The following FMN1 variants were observed in gnomAD, a reference collection of about 807,000 sequenced individuals.
FMN1 encodes formin-1.
FMN1 carries 110 observed loss-of-function variants against 132.4 expected under a neutral mutation model. The ratio of observed to expected loss-of-function variants is 0.83; its 90% CI spans 0.71 to 0.97. The LOEUF is 0.97. Ranked by LOEUF, FMN1 falls within the 50% of genes least tolerant of loss-of-function variation. The pLI is 0.00. For synonymous variants in FMN1, 722 were observed against 651.7 expected, an observed-to-expected ratio of 1.11 and a Z score of -1.64; for missense variants, 1,792 against 1,705.3, an observed-to-expected ratio of 1.05 and a Z score of -0.90.
intron 15 of FMN1, among the ~76,000 whole-genome samples, chr15:32,893,818 C>T (rs2060089192): frequency 6.6e-6 from 1 of 152,238 alleles, no homozygotes; most frequent in Non-Finnish European, 1.5e-5. Context: ...GGGTTCAGCT[C>T]TTTTCAACCA....
At chr15:32,996,576 T>C (rs2033782189) in intron 7 of FMN1, among the ~76,000 whole-genome samples, 2 of 152,136 alleles carry the variant, frequency 1.3e-5, no homozygotes, top group Admixed American at 6.6e-5. Flanking sequence ...CTCATAATGG[T>C]GTAATAGCTC....
At chr15:32,777,482 A>ACG (rs2056462250) in intron 19 of FMN1, among the ~76,000 whole-genome samples, 1 of 141,824 alleles carries the variant, frequency 7.1e-6, no homozygotes, top group Non-Finnish European at 1.5e-5. Context: ...TTTATATATT[A>ACG]TATTTATATA....
intron 6 of FMN1, among the ~76,000 whole-genome samples, chr15:33,021,369 A>C (rs868421935): frequency 6.6e-6 from 1 of 152,144 alleles, no homozygotes; most frequent in Admixed American, 6.5e-5. Context: ...CAAGTTAACA[A>C]TTTAGAGACT....
intron 15 of FMN1, among the ~76,000 whole-genome samples, chr15:32,895,595 GATTTACCAT>G (rs2060134279): frequency 6.6e-6 from 1 of 151,862 alleles, no homozygotes; most frequent in Non-Finnish European, 1.5e-5. Flanking sequence ...AGAATATATT[GATTTACCAT>G]ACATGACAGT....
intron 7 of FMN1, among the ~76,000 whole-genome samples, chr15:32,986,839 A>AT (rs2033101420): frequency 6.6e-6 from 1 of 152,156 alleles, no homozygotes; most frequent in Admixed American, 6.5e-5. Context: ...ATTCATCTCC[A>AT]TAATTTGTGC....
chr15:32,961,174 C>T (rs2030494639), intron 9 of FMN1, among the ~76,000 whole-genome samples: 1 of 150,756 alleles, frequency 6.6e-6, no homozygotes, highest in African/African-American at 2.4e-5. Flanking sequence ...GCTCTTGTTG[C>T]CCAGGCTGGG....
chr15:32,818,943 A>G (rs915928935), intron 17 of FMN1, among the ~76,000 whole-genome samples: 3 of 151,350 alleles, frequency 2.0e-5, no homozygotes, highest in Non-Finnish European at 4.4e-5. Flanking sequence ...AAAAAAAAAA[A>G]GGCTCATGAA....
chr15:33,012,731 A>C lies in FMN1; in HGVS notation c.2162-4656T>G, dbSNP rs536703964. ...AGTTCTGGAAACTTTCGTGGTGGCC[A>C]TGGAGGTGGTTTTGGTGGGAACGAC... On this transcript the variant is annotated intron_variant, in intron 6 of 20. Transcript: ENST00000616417. The C allele has an allele frequency of 3.6e-5, 27 of 751,114 alleles. No individual in the cohort carries two copies. The East Asian group carries it at 6.7e-4, about 19-fold the overall frequency. The allele number at this position is 751,114 out of a possible 1,614,324, so 46.5% of individuals were successfully genotyped here.
chr15:32,932,447 T>C (rs1362900689), intron 9 of FMN1, among the ~76,000 whole-genome samples: 1 of 152,208 alleles, frequency 6.6e-6, no homozygotes, highest in Non-Finnish European at 1.5e-5. Flanking sequence ...TTGTAAGAGC[T>C]AATGACCTGT....
chr15:32,793,075 G>C (rs1208442116), intron 19 of FMN1, among the ~76,000 whole-genome samples: 1 of 152,158 alleles, frequency 6.6e-6, no homozygotes, highest in Non-Finnish European at 1.5e-5. Context: ...TTTAAAAGAA[G>C]TTAGAAGGGA....
At chr15:32,852,606 ATCC>A (rs1388218193) in intron 17 of FMN1, among the ~76,000 whole-genome samples, 9 of 152,164 alleles carry the variant, frequency 5.9e-5, no homozygotes, top group Non-Finnish European at 1.3e-4. Flanking sequence ...GCCTCAAGTG[ATCC>A]TCCTACCTCG....
chr15:32,908,570 T>C lies in FMN1; in HGVS notation c.3297A>G (p.Gln1099=), dbSNP rs183243215. ...TLAALYENRA[Q]EDELVKIRKY... ...TTCTTATTTTAACCAGCTCATCCTC[T>C]TGGGCTCTCTGTATCAAAATAGAAA... Residue 1099 remains glutamine, a synonymous_variant, in exon 12 of 21, where the codon CAA becomes CAG. Coordinates refer to ENST00000616417, the MANE Select transcript of FMN1 (RefSeq NM_001277313.2). The C allele has an allele frequency of 4.6e-4, 722 of 1,578,912 alleles. 1 individual carries two copies. The highest frequency in any genetic ancestry group is 5.6e-4 in the Non-Finnish European group (642 of 1,154,426).
At chr15:33,130,797 G>C (rs1462167235) in intron 4 of FMN1, among the ~76,000 whole-genome samples, 1 of 152,080 alleles carries the variant, frequency 6.6e-6, no homozygotes, top group South Asian at 2.1e-4. Flanking sequence ...AAGATGTTTT[G>C]ATTTAATTTT....
At position 32,776,856 on chromosome 15, in the gene FMN1, T is replaced by C; in HGVS notation, c.4194A>G (p.Lys1398=). 1 of 1,592,970 alleles carries C rather than the reference T, an allele frequency of 6.3e-7. No individual in the cohort carries two copies. The highest frequency in any genetic ancestry group is 1.1e-5 in the South Asian group (1 of 87,792). ...TCACCAGGCTAGCAGTGGGATTGAT[T>C]TTCTTTGTCTCCACTTTCTTCTCTG... ...LTSEKKVETK[K]INPTASLKER... Residue 1398 remains lysine (K), a synonymous_variant, in exon 20 of 21, where the codon AAA becomes AAG. Coordinates refer to ENST00000616417, the MANE Select transcript of FMN1 (RefSeq NM_001277313.2).
intron 17 of FMN1, among the ~76,000 whole-genome samples, chr15:32,848,847 T>C (rs2058924731): frequency 6.6e-6 from 1 of 152,278 alleles, no homozygotes; most frequent in South Asian, 2.1e-4. Context: ...AATGAACCTG[T>C]TTGATTAGTT....
intron 3 of FMN1, among the ~76,000 whole-genome samples, chr15:33,156,281 T>G (rs1211709632): frequency 2.0e-5 from 3 of 147,168 alleles, no homozygotes; most frequent in African/African-American, 7.6e-5. Context: ...TAGTTTTTTT[T>G]TTTTTTTTTT....
chr15:33,150,108 G>A, intron 4 of FMN1: 1 of 985,448 alleles, frequency 1.0e-6, no homozygotes, highest in Non-Finnish European at 1.2e-6. Flanking sequence ...TTACTCAAGA[G>A]CATACTAAAG....
Position 32,961,101 on chromosome 15 carries a change from T to C in FMN1, c.3138+3006A>G, listed in dbSNP as rs996855004. On this transcript the variant is annotated intron_variant, in intron 9 of 20. Coordinates refer to ENST00000616417, the MANE Select transcript of FMN1 (RefSeq NM_001277313.2). ...CTGCTTAGATGTGAATTTCACAACATACTGGTGGGTCAGGTAGATTCAGAT... is the reference window on the plus strand; with the variant it reads ...CTGCTTAGATGTGAATTTCACAACACACTGGTGGGTCAGGTAGATTCAGAT... 4.0e-5 allele frequency among the ~76,000 whole-genome samples: 6 copies of C among 150,250 alleles called. 1 individual carries two copies. In the East Asian group the frequency reaches 1.2e-3, roughly 30 times the overall value.
intron 3 of FMN1, among the ~76,000 whole-genome samples, chr15:33,172,039 C>T (rs1356849823): frequency 6.6e-6 from 1 of 152,064 alleles, no homozygotes; most frequent in Admixed American, 6.5e-5. Context: ...GAAACCCCGT[C>T]TCTACTAAAA....
Sources: gnomAD v4.1 joint callset for allele counts (sites outside exome capture counted in the v4.1 genomes callset) on GRCh38, gnomAD v4.1.1 for gene constraint, MANE v1.5 for transcripts, NCBI Gene and HGNC (gene_info 2026-07-23, HGNC 2026-07-21) for gene names.